Variants in MGAT4C observed in about 807,000 individuals in gnomAD.
MGAT4C encodes the protein alpha-1,3-mannosyl-glycoprotein 4-beta-N-acetylglucosaminyltransferase C.
MGAT4C carries 19 observed loss-of-function variants against 40.1 expected under a neutral mutation model. The ratio of observed to expected loss-of-function variants is 0.47; its 90% CI spans 0.33 to 0.70. The LOEUF (loss-of-function observed/expected upper bound fraction) is 0.70, where lower values mean the gene tolerates loss of function less well. Among genes scored for constraint, MGAT4C ranks in the 30% least tolerant of loss-of-function variants. The probability of loss-of-function intolerance (pLI) is 0.02; values close to 1 mark genes in which losing one functional copy is unlikely to be tolerated. For synonymous variants in MGAT4C, 181 were observed against 187.1 expected, an observed-to-expected ratio of 0.97 and a Z score of 0.27; for missense variants, 491 against 563.2, an observed-to-expected ratio of 0.87 and a Z score of 1.30.
At chr12:86,024,189 T>C (rs1037634414) in intron 2 of MGAT4C, among the ~76,000 whole-genome samples, 4 of 151,904 alleles carry the variant, frequency 2.6e-5, no homozygotes, top group South Asian at 2.1e-4. Flanking sequence ...CTTCAGGTAA[T>C]CATCATTCTA....
chr12:86,667,063 T>A (rs1361746107), intron 2 of MGAT4C, among the ~76,000 whole-genome samples: 1 of 152,198 alleles, frequency 6.6e-6, no homozygotes, highest in Non-Finnish European at 1.5e-5. Context: ...TGCTGCTGCC[T>A]ATTTCTTATA....
intron 2 of MGAT4C, among the ~76,000 whole-genome samples, chr12:86,712,417 C>G (rs993818127): frequency 2.0e-5 from 3 of 152,048 alleles, no homozygotes; most frequent in Non-Finnish European, 4.4e-5. Context: ...AAACTTCAGA[C>G]AGTTTGTATA....
intron 1 of MGAT4C, among the ~76,000 whole-genome samples, chr12:86,070,357 AC>A (rs2137033678): frequency 6.6e-6 from 1 of 152,054 alleles, no homozygotes; most frequent in Admixed American, 6.6e-5. Flanking sequence ...GTTTATAAAA[AC>A]AGTAATCTTT....
At chr12:86,246,657 AGG>A (rs1208216816) in intron 1 of MGAT4C, among the ~76,000 whole-genome samples, 4 of 152,216 alleles carry the variant, frequency 2.6e-5, no homozygotes, top group African/African-American at 9.6e-5. Context: ...CAATTTACAA[AGG>A]TAAATGTTAC....
intron 2 of MGAT4C, among the ~76,000 whole-genome samples, chr12:86,568,525 A>C (rs1439025582): frequency 7.0e-6 from 1 of 142,036 alleles, no homozygotes; most frequent in African/African-American, 2.6e-5. Context: ...ATGTGAGTCA[A>C]TATTCCTTAA....
intron 2 of MGAT4C, among the ~76,000 whole-genome samples, chr12:86,600,709 C>A (rs923420234): frequency 2.0e-5 from 3 of 152,208 alleles, no homozygotes; most frequent in Non-Finnish European, 4.4e-5. Context: ...GCGCACTCTG[C>A]GGAGCCAGTG....
intron 1 of MGAT4C, among the ~76,000 whole-genome samples, chr12:86,070,228 C>G (rs2137033288): frequency 6.6e-6 from 1 of 152,164 alleles, no homozygotes; most frequent in African/African-American, 2.4e-5. Flanking sequence ...TCCCTCCAAA[C>G]AGGCATTCTA....
intron 1 of MGAT4C, among the ~76,000 whole-genome samples, chr12:86,223,079 C>A (rs569503175): frequency 9.2e-5 from 14 of 152,316 alleles, no homozygotes; most frequent in African/African-American, 2.9e-4. Context: ...GAACCCTGAG[C>A]AGGTGCACCT....
chr12:86,749,034 A>T (rs555521540), intron 1 of MGAT4C, among the ~76,000 whole-genome samples: 1 of 150,590 alleles, frequency 6.6e-6, no homozygotes, highest in South Asian at 2.1e-4. Context: ...TCTGGTACTC[A>T]CCCCATCTGG....
chr12:86,528,974 G>GA (rs777047600), intron 2 of MGAT4C, among the ~76,000 whole-genome samples: 56 of 148,212 alleles, frequency 3.8e-4, no homozygotes, highest in African/African-American at 5.4e-4. Flanking sequence ...AATAAAAGTT[G>GA]AAAAAAAAAC....
At chr12:86,467,007 G>T (rs189705063) in intron 2 of MGAT4C, among the ~76,000 whole-genome samples, 1 of 152,158 alleles carries the variant, frequency 6.6e-6, no homozygotes, top group African/African-American at 2.4e-5. Context: ...CTCATATAAA[G>T]AAAATGAGGT....
Position 86,387,163 on chromosome 12 carries a change from T to C in MGAT4C, c.-120+47994A>G, listed in dbSNP as rs571257093. On this transcript the variant is annotated intron_variant, in intron 3 of 7. Transcript: ENST00000548651. ...AAGTGTACATAGTTGTCTGAATTAA[T>C]TCCTTTATGTCTTCATGAATTTCCC... Among the ~76,000 whole-genome samples, 7 of 152,288 alleles carry C rather than the reference T, an allele frequency of 4.6e-5. No individual in the cohort carries two copies. In the South Asian group the frequency reaches 1.2e-3, roughly 27 times the overall value.
At chr12:86,790,049 A>G (rs1951997081) in intron 1 of MGAT4C, among the ~76,000 whole-genome samples, 1 of 152,084 alleles carries the variant, frequency 6.6e-6, no homozygotes, top group Admixed American at 6.6e-5. Flanking sequence ...TGCAAACCAC[A>G]TGTACTGAAA....
chr12:86,290,925 T>C (rs1953494701), intron 4 of MGAT4C, among the ~76,000 whole-genome samples: 2 of 151,900 alleles, frequency 1.3e-5, no homozygotes, highest in Admixed American at 6.6e-5. Context: ...AGATTTAAAG[T>C]GAAGTGAAAG....
At chr12:86,278,661 T>C (rs1458645025) in intron 4 of MGAT4C, among the ~76,000 whole-genome samples, 1 of 152,176 alleles carries the variant, frequency 6.6e-6, no homozygotes, top group African/African-American at 2.4e-5. Flanking sequence ...ATAATTTGAC[T>C]TCTTCCTTTC....
At chr12:86,285,819 T>C (rs1953339931) in intron 4 of MGAT4C, among the ~76,000 whole-genome samples, 2 of 152,096 alleles carry the variant, frequency 1.3e-5, no homozygotes, top group South Asian at 4.1e-4. Flanking sequence ...ATCTTATGTA[T>C]GTAATAAAAT....
chr12:86,649,254 T>C (rs2136532578), intron 2 of MGAT4C, among the ~76,000 whole-genome samples: 1 of 151,910 alleles, frequency 6.6e-6, no homozygotes, highest in Non-Finnish European at 1.5e-5. Flanking sequence ...AATTTCATTA[T>C]TATAATAGTT....
intron 1 of MGAT4C, among the ~76,000 whole-genome samples, chr12:86,164,515 G>T (rs991796581): frequency 1.6e-4 from 24 of 152,296 alleles, no homozygotes; most frequent in African/African-American, 4.6e-4. Flanking sequence ...GGGACAGATA[G>T]ACATTAATCA....
chr12:86,577,238 A>C (rs1042624386), intron 2 of MGAT4C, among the ~76,000 whole-genome samples: 3 of 151,890 alleles, frequency 2.0e-5, no homozygotes, highest in African/African-American at 7.2e-5. Flanking sequence ...ATATAAGATC[A>C]TATTATCAGC....
Sources: allele counts gnomAD v4.1 joint callset (sites outside exome capture counted in the v4.1 genomes callset), GRCh38; gene constraint gnomAD v4.1.1; transcripts MANE v1.5; gene names NCBI Gene and HGNC (gene_info 2026-07-23, HGNC 2026-07-21).